Variants in XRCC4 observed in about 807,000 individuals in gnomAD.
XRCC4 encodes X-ray repair cross complementing 4, also known as DNA repair protein XRCC4.
A neutral mutation model predicts 39.1 loss-of-function variants in XRCC4; 28 were observed. The observed-to-expected ratio is 0.72, with a 90% CI of 0.53 to 0.98. XRCC4 has a LOEUF of 0.98. Ranked by LOEUF, XRCC4 falls within the 50% of genes least tolerant of loss-of-function variation. The pLI is 0.00. For synonymous variants in XRCC4, 123 were observed against 126.4 expected, an observed-to-expected ratio of 0.97 and a Z score of 0.18; for missense variants, 350 against 376.4, an observed-to-expected ratio of 0.93 and a Z score of 0.58.
At chr5:83,253,005 G>A (rs1254255385) in intron 6 of XRCC4, among the ~76,000 whole-genome samples, 1 of 152,164 alleles carries the variant, frequency 6.6e-6, no homozygotes, top group Non-Finnish European at 1.5e-5. Flanking sequence ...GTATGTATAA[G>A]ATGAGTGATT....
intron 7 of XRCC4, among the ~76,000 whole-genome samples, chr5:83,278,613 C>T (rs1354914600): frequency 2.0e-5 from 3 of 152,178 alleles, no homozygotes; most frequent in South Asian, 4.1e-4. Flanking sequence ...TTTCTCTAGC[C>T]CCTTTTTTAA....
At chr5:83,096,125 AT>A in intron 1 of XRCC4, among the ~76,000 whole-genome samples, 1 of 151,874 alleles carries the variant, frequency 6.6e-6, no homozygotes, top group Non-Finnish European at 1.5e-5. Context: ...TGACTCAGAT[AT>A]ATGAGTCTCC....
At chr5:83,097,189 A>G (rs1745716332) in intron 1 of XRCC4, among the ~76,000 whole-genome samples, 2 of 152,208 alleles carry the variant, frequency 1.3e-5, no homozygotes, top group Non-Finnish European at 1.5e-5. Context: ...TACTCATCCA[A>G]TTAGGAATGA....
At chr5:83,091,174 G>A (rs1156349414) in intron 1 of XRCC4, among the ~76,000 whole-genome samples, 1 of 152,142 alleles carries the variant, frequency 6.6e-6, no homozygotes, top group Non-Finnish European at 1.5e-5. Context: ...ACACTGCTAT[G>A]AGGAACTGCC....
chr5:83,085,478 A>T (rs1745139797), intron 1 of XRCC4, among the ~76,000 whole-genome samples: 2 of 151,650 alleles, frequency 1.3e-5, no homozygotes, highest in African/African-American at 2.4e-5. Context: ...AATGTTTATG[A>T]TTTTTTTTGT....
At chr5:83,344,530 A>G (rs1294651116) in intron 7 of XRCC4, among the ~76,000 whole-genome samples, 1 of 147,362 alleles carries the variant, frequency 6.8e-6, no homozygotes, top group Non-Finnish European at 1.5e-5. Flanking sequence ...TCAGCCTCCC[A>G]AAGTGTTAGG....
chr5:83,364,971 T>C, the XRCC4 span, among the ~76,000 whole-genome samples: 2 of 152,134 alleles, frequency 1.3e-5, no homozygotes, highest in African/African-American at 4.8e-5. Context: ...GTGAAAACAA[T>C]TTTGTTAGAA....
intron 6 of XRCC4, among the ~76,000 whole-genome samples, chr5:83,206,957 C>G (rs1211638692): frequency 9.2e-5 from 14 of 152,120 alleles, no homozygotes; most frequent in Admixed American, 8.5e-4. Context: ...GTTGATTCAT[C>G]TGATTCTAAT....
chr5:83,085,408 C>G (rs1474328818), intron 1 of XRCC4, among the ~76,000 whole-genome samples: 2 of 152,072 alleles, frequency 1.3e-5, no homozygotes, highest in Non-Finnish European at 2.9e-5. Flanking sequence ...TGAACAGCTG[C>G]TCAGGGAAAA....
At chr5:83,276,517 G>A (rs1754342338) in intron 7 of XRCC4, among the ~76,000 whole-genome samples, 1 of 142,654 alleles carries the variant, frequency 7.0e-6, no homozygotes, top group African/African-American at 2.5e-5. Flanking sequence ...AGAAGAAGTG[G>A]AAGAAGAGAA....
intron 7 of XRCC4, among the ~76,000 whole-genome samples, chr5:83,322,302 A>C (rs2112135733): frequency 6.6e-6 from 1 of 152,208 alleles, no homozygotes; most frequent in South Asian, 2.1e-4. Flanking sequence ...GAACTCTATC[A>C]AATGCTATGA....
chr5:83,309,288 A>T (rs1301643043), intron 7 of XRCC4, among the ~76,000 whole-genome samples: 178 of 111,818 alleles, frequency 1.6e-3, no homozygotes, highest in African/African-American at 6.9e-3. Flanking sequence ...AAAAAAAAAA[A>T]AAAAAAAAAT....
In XRCC4 at chr5:83,103,535, A is replaced by G. The variant is rs143990599; in HGVS notation, c.-10-1375A>G. On this transcript the variant is annotated intron_variant, in intron 1 of 7. Coordinates refer to ENST00000396027, the MANE Select transcript of XRCC4 (RefSeq NM_003401.5). The stretch of plus-strand genomic sequence containing the variant: ...TGTAGCACCAAAATTGAATATATCC[A>G]TATCCTCTGATCCAACAATTTTACT... 7.2e-5 allele frequency among the ~76,000 whole-genome samples: 11 copies of G among 152,288 alleles called. No individual in the cohort carries two copies. The East Asian group carries it at 2.1e-3, about 29-fold the overall frequency.
At chr5:83,141,535 A>G (rs1748172640) in intron 3 of XRCC4, among the ~76,000 whole-genome samples, 1 of 152,058 alleles carries the variant, frequency 6.6e-6, no homozygotes, top group Non-Finnish European at 1.5e-5. Flanking sequence ...GTGTTGTTTT[A>G]GTTTGCATTT....
intron 7 of XRCC4, among the ~76,000 whole-genome samples, chr5:83,268,605 G>C (rs1561444466): frequency 6.6e-6 from 1 of 152,120 alleles, no homozygotes; most frequent in Non-Finnish European, 1.5e-5. Flanking sequence ...AGAGGTTCTT[G>C]TTTGCTCCAA....
intron 7 of XRCC4, among the ~76,000 whole-genome samples, chr5:83,305,130 G>C (rs529895932): frequency 6.6e-6 from 1 of 151,958 alleles, no homozygotes; most frequent in Non-Finnish European, 1.5e-5. Context: ...AACAGTTTTA[G>C]ATTTACAAAA....
intron 3 of XRCC4, among the ~76,000 whole-genome samples, chr5:83,175,088 TAC>T (rs1474779323): frequency 6.6e-6 from 1 of 152,178 alleles, no homozygotes; most frequent in Non-Finnish European, 1.5e-5. Context: ...GCTTATTGAG[TAC>T]ACCTCATATA....
chr5:83,105,958 G>A (rs28383141), intron 2 of XRCC4, among the ~76,000 whole-genome samples: 1,831 of 152,002 alleles, frequency 0.012, 34 homozygotes, highest in African/African-American at 0.041. Context: ...TATGAATTAT[G>A]TTATACAACA....
chr5:83,134,417 G>A (rs1255405912), intron 3 of XRCC4, among the ~76,000 whole-genome samples: 1 of 152,142 alleles, frequency 6.6e-6, no homozygotes, highest in Non-Finnish European at 1.5e-5. Context: ...GTGACTTGGA[G>A]AACTTTTCTG....
Sources: gnomAD v4.1 joint callset for allele counts (sites outside exome capture counted in the v4.1 genomes callset) on GRCh38, gnomAD v4.1.1 for gene constraint, MANE v1.5 for transcripts, NCBI Gene and HGNC (gene_info 2026-07-23, HGNC 2026-07-21) for gene names.